LAMA3: variants seen among roughly 807,000 people sequenced by gnomAD.
The protein encoded by LAMA3 is laminin subunit alpha 3.
In LAMA3, 281 loss-of-function variants were observed where a neutral mutation model predicts 402.0. That is an observed-to-expected ratio of 0.70 (90% confidence interval 0.63 to 0.77). The LOEUF is 0.77. Among genes scored for constraint, LAMA3 ranks in the 30% least tolerant of loss-of-function variants. LAMA3 has a pLI of 0.00. For synonymous variants in LAMA3, 1,431 were observed against 1,558.4 expected (o/e 0.92, Z 1.93); for missense variants, 3,840 against 4,215.5 (o/e 0.91, Z 2.47).
chr18:23,907,809 G>T lies in LAMA3; in HGVS notation c.6889G>T (p.Asp2297Tyr), dbSNP rs758017873. Residue 2297 changes from aspartate to tyrosine, a missense_variant, in exon 54 of 75, where the codon GAC (aspartate) becomes TAC (tyrosine). Transcript: ENST00000313654. Reference sequence around the variant, plus strand: ...AAAGAGCATGGTCAGAAAGGCCAACGACATCACAGATGAGGTTCTGGATGG... The same window carrying T: ...AAAGAGCATGGTCAGAAAGGCCAACTACATCACAGATGAGGTTCTGGATGG... ...SAKSMVRKAN[D>Y]ITDEVLDGLN... is the part of the protein sequence containing the mutation. 18 of 1,614,022 alleles carry T rather than the reference G, an allele frequency of 1.1e-5. No individual in the cohort carries two copies. The highest frequency in any genetic ancestry group is 1.5e-5 in the Non-Finnish European group (18 of 1,180,032).
Position 23,895,050 on chromosome 18 carries a change from G to C in LAMA3, c.5605G>C (p.Asp1869His). The C allele has an allele frequency of 1.0e-5, 16 of 1,601,038 alleles. No homozygotes were observed. The highest frequency in any genetic ancestry group is 1.4e-5 in the Non-Finnish European group (16 of 1,173,894). Residue 1869 changes from aspartate (D) to histidine (H), a missense_variant, in exon 44 of 75, where the codon GAC becomes CAC. Physicochemically the swap from Asp to His is moderately conservative, Grantham distance 81. Around this residue, in one of 3 missense-constraint regions of LAMA3, gnomAD observed 891 missense variants for 857.5 expected, o/e 1.04. Transcript: ENST00000313654. ...QMRHMETQAKDLRNQLLNYRS... is the reference protein window; with the variant it reads ...QMRHMETQAKHLRNQLLNYRS... ...GAGGCACATGGAGACCCAGGCCAAG[G>C]ACCTGAGGGTAAATCCCCTGCGGCC...
chr18:23,844,941 TATA>T (rs2063780337), intron 29 of LAMA3, 65 bp from the exon 30 acceptor site: 1 of 913,838 alleles, frequency 1.1e-6, no homozygotes, highest in Non-Finnish European at 1.8e-6. Flanking sequence ...GCTCAACCTG[TATA>T]ATAAGTAGCC....
At chr18:23,910,789 G>A (rs556576882) in intron 55 of LAMA3, among the ~76,000 whole-genome samples, 9 of 152,068 alleles carry the variant, frequency 5.9e-5, no homozygotes, top group African/African-American at 1.7e-4. Context: ...ATCCAAACAC[G>A]TAGTGCCCAG....
chr18:23,921,049 C>T lies in LAMA3; in HGVS notation c.8038C>T (p.His2680Tyr). The T allele has an allele frequency of 5.0e-6, 8 of 1,613,956 alleles. No individual in the cohort carries two copies. The highest frequency in any genetic ancestry group is 1.1e-5 in the South Asian group (1 of 91,076). Residue 2680 changes from histidine to tyrosine, a missense_variant, in exon 61 of 75, where the codon CAT (histidine) becomes TAT (tyrosine). Transcript: ENST00000313654. ...AGACGCCATAAACAACGGCAGAGAC[C>T]ATTCGGTACACCTTTTGAGTCTGTT... ...VGDAINNGRD[H>Y]SIQIKIGKLQ...
intron 36 of LAMA3, among the ~76,000 whole-genome samples, chr18:23,867,054 C>T (rs956850163): frequency 1.3e-5 from 2 of 152,136 alleles, no homozygotes; most frequent in Non-Finnish European, 2.9e-5. Context: ...AGGCTGAGAG[C>T]GAGTGAGGCT....
chr18:23,750,571 T>C (rs2061732049), intron 4 of LAMA3, among the ~76,000 whole-genome samples: 2 of 151,646 alleles, frequency 1.3e-5, no homozygotes, highest in South Asian at 4.2e-4. Flanking sequence ...CTTAAGAAAG[T>C]TGTGTCCTTA....
rs141349604 is a variant in LAMA3, at chr18:23,875,876, C to T, written c.4999-418C>T. On this transcript the variant is annotated intron_variant, in intron 38 of 74. Transcript: ENST00000313654. ...TCTCATCCCCCATCTCCACACGTGCCCTGTCTCTGATTTCCCCACCATGCA... is the reference window on the plus strand; with the variant it reads ...TCTCATCCCCCATCTCCACACGTGCTCTGTCTCTGATTTCCCCACCATGCA... Among the ~76,000 whole-genome samples, 914 of 152,246 alleles carry T rather than the reference C, an allele frequency of 6.0e-3. 9 individuals carry two copies. The highest frequency in any genetic ancestry group is 0.021 in the African/African-American group (856 of 41,546).
At chr18:23,703,374 A>G (rs761356533) in intron 1 of LAMA3, among the ~76,000 whole-genome samples, 53 of 152,248 alleles carry the variant, frequency 3.5e-4, no homozygotes, top group Non-Finnish European at 7.3e-4. Context: ...GGGAGTCTAC[A>G]TAATTCAACT....
intron 2 of LAMA3, among the ~76,000 whole-genome samples, chr18:23,714,573 T>G (rs1183902835): frequency 1.3e-5 from 2 of 152,154 alleles, no homozygotes; most frequent in East Asian, 3.8e-4. Flanking sequence ...TGCAGATAGA[T>G]GCCCATCCCT....
chr18:23,904,179 G>T lies in LAMA3; in HGVS notation c.6473+92G>T, dbSNP rs2145150228. The T allele has an allele frequency of 2.0e-6, 3 of 1,475,282 alleles. No individual in the cohort carries two copies. The East Asian group carries it at 6.8e-5, about 33-fold the overall frequency. 91.4% of individuals were successfully genotyped at this position (1,475,282 alleles called of 1,614,324 possible). A position where few individuals can be genotyped will look rare whatever the true frequency, so the allele number is the denominator to read the frequency against. On this transcript the variant is annotated intron_variant, in intron 50 of 74. Transcript: ENST00000313654. ...GCAAGGCCCTCCCCTGGGTTGGCTG[G>T]GTCTCCAGAACTGGGTGGAGGGCGG...
intron 32 of LAMA3, among the ~76,000 whole-genome samples, chr18:23,854,181 A>G (rs957198748): frequency 1.3e-5 from 2 of 152,164 alleles, no homozygotes; most frequent in Non-Finnish European, 2.9e-5. Flanking sequence ...CTGACTGGCC[A>G]CATCTTCTCA....
rs567127654 is a variant in LAMA3, at chr18:23,749,188, G to A, written c.566-240G>A. The stretch of plus-strand genomic sequence containing the variant: ...TTAGAAGATAAACTTGCCTAAGTAT[G>A]AGCGTGGAGTTAGCACTGCATCTCC... On this transcript the variant is annotated intron_variant, in intron 3 of 74. Coordinates refer to ENST00000313654, the MANE Select transcript of LAMA3 (RefSeq NM_198129.4). Among the ~76,000 whole-genome samples, 6 of 152,330 alleles carry A rather than the reference G, an allele frequency of 3.9e-5. No individual in the cohort carries two copies. The South Asian group carries it at 6.2e-4, about 16-fold the overall frequency.
chr18:23,756,908 C>G (rs546561081), intron 6 of LAMA3, among the ~76,000 whole-genome samples: 1 of 150,512 alleles, frequency 6.6e-6, no homozygotes, highest in Admixed American at 6.6e-5. Context: ...CAAGCCTCCC[C>G]GCTCCCCGTT....
intron 12 of LAMA3, among the ~76,000 whole-genome samples, chr18:23,789,363 G>A (rs2062607467): frequency 6.6e-6 from 1 of 152,172 alleles, no homozygotes; most frequent in Non-Finnish European, 1.5e-5. Context: ...GCAGTAACTT[G>A]TGTATGAATG....
Position 23,907,864 on chromosome 18 carries a change from G to C in LAMA3, c.6944G>C (p.Arg2315Thr). ...GLNPIQTDVERIKDTYGRTQN... is the reference protein window; with the variant it reads ...GLNPIQTDVETIKDTYGRTQN... ...AACCCCATCCAGACAGATGTGGAAA[G>C]AATTAAGGACACCTATGGGAGGACA... The change falls in exon 54 of 75, where the codon AGA (arginine) becomes ACA (threonine). Residue 2315 changes from arginine (R) to threonine (T), a missense_variant. This residue lies in a region of LAMA3 where 891 missense variants were observed against 857.5 expected (regional missense o/e 1.04). Transcript: ENST00000313654. 6.2e-7 allele frequency: 1 copy of C among 1,614,128 alleles called. No homozygotes were observed. Among genetic ancestry groups the C allele is most frequent in the South Asian group, 1.1e-5 (1 of 91,068 alleles).
intron 55 of LAMA3, among the ~76,000 whole-genome samples, chr18:23,910,124 A>G (rs112848994): frequency 1.3e-5 from 2 of 152,260 alleles, no homozygotes; most frequent in Non-Finnish European, 2.9e-5. Flanking sequence ...ATAAGAATGT[A>G]TGCTAGCTTT....
intron 4 of LAMA3, among the ~76,000 whole-genome samples, chr18:23,750,333 G>A (rs187685309): frequency 5.3e-4 from 80 of 151,714 alleles, no homozygotes; most frequent in African/African-American, 1.9e-3. Flanking sequence ...GCATGTGTAT[G>A]CGGTATCTTC....
At chr18:23,736,980 T>G (rs4800508) in intron 2 of LAMA3, among the ~76,000 whole-genome samples, 35,165 of 152,016 alleles carry the variant, frequency 0.23, 4,687 homozygotes, top group Admixed American at 0.37. Flanking sequence ...CTGGATTGTT[T>G]TTAGTGGGAT....
At chr18:23,867,752 T>C (rs1437429518) in intron 36 of LAMA3, 82 bp from the exon 37 acceptor site, 19 of 1,073,064 alleles carry the variant, frequency 1.8e-5, no homozygotes, top group Non-Finnish European at 2.6e-5. Flanking sequence ...ATGTAGACCA[T>C]AGAAATGTTT....
Sources: allele counts gnomAD v4.1 joint callset (sites outside exome capture counted in the v4.1 genomes callset), GRCh38; gene constraint gnomAD v4.1.1; regional missense constraint gnomAD v4.1.1; transcripts MANE v1.5; gene names NCBI Gene and HGNC (gene_info 2026-07-23, HGNC 2026-07-21).